The following HS3ST4 variants were observed in gnomAD, a reference collection of about 807,000 sequenced individuals.
HS3ST4 encodes the protein heparan sulfate-glucosamine 3-sulfotransferase 4, also known as heparan sulfate glucosamine 3-O-sulfotransferase 4.
Under a neutral mutation model 29.2 loss-of-function variants are expected in HS3ST4, and 17 were observed. That is an observed-to-expected ratio of 0.58 (90% CI 0.40 to 0.87). The LOEUF is 0.87. Among genes scored for constraint, HS3ST4 ranks in the 40% least tolerant of loss-of-function variants. The probability of loss-of-function intolerance (pLI) is 0.00; values close to 1 mark genes in which losing one functional copy is unlikely to be tolerated. For missense variants in HS3ST4, 627 were observed against 634.5 expected (o/e 0.99, Z 0.13); for synonymous variants, 314 against 285.7 (o/e 1.10, Z -1.00).
chr16:25,859,280 G>A (rs1342782607), intron 1 of HS3ST4, among the ~76,000 whole-genome samples: 1 of 152,146 alleles, frequency 6.6e-6, no homozygotes, highest in East Asian at 1.9e-4. Context: ...GAAATTAAAT[G>A]AGCACACACT....
chr16:26,071,234 A>T (rs1192971680), intron 1 of HS3ST4, among the ~76,000 whole-genome samples: 2 of 152,216 alleles, frequency 1.3e-5, no homozygotes, highest in African/African-American at 4.8e-5. Flanking sequence ...ACCCACTATG[A>T]AAACATCCTT....
chr16:25,927,220 A>G (rs1446171490), intron 1 of HS3ST4, among the ~76,000 whole-genome samples: 2 of 152,254 alleles, frequency 1.3e-5, no homozygotes, highest in Non-Finnish European at 2.9e-5. Flanking sequence ...CTTAGCATTT[A>G]TAAAGCATTT....
rs533357386 is a variant in HS3ST4, at chr16:25,732,891, A to G, written c.734+39740A>G. Among the ~76,000 whole-genome samples the G allele has an allele frequency of 2.0e-5, 3 of 152,290 alleles. No homozygotes were observed. In the South Asian group the frequency reaches 6.2e-4, roughly 32 times the overall value. On this transcript the variant is annotated intron_variant, in intron 1 of 1. Transcript: ENST00000331351. Reference sequence around the variant, plus strand: ...TATTGCTGTGCTGATGAGCAAGATGAAACATATCAGGCTTATAGCCCTGTG... The same window carrying G: ...TATTGCTGTGCTGATGAGCAAGATGGAACATATCAGGCTTATAGCCCTGTG...
intron 1 of HS3ST4, among the ~76,000 whole-genome samples, chr16:26,038,587 A>C (rs760277812): frequency 6.6e-6 from 1 of 151,962 alleles, no homozygotes; most frequent in African/African-American, 2.4e-5. Context: ...GCCTCTGCTC[A>C]TGGGCCCTCT....
intron 1 of HS3ST4, among the ~76,000 whole-genome samples, chr16:25,920,150 C>A (rs1968332204): frequency 6.6e-6 from 1 of 152,148 alleles, no homozygotes; most frequent in African/African-American, 2.4e-5. Context: ...ATTGCTCAAC[C>A]TTAATCTAGG....
intron 1 of HS3ST4, among the ~76,000 whole-genome samples, chr16:25,834,100 G>A (rs1967334175): frequency 1.3e-5 from 2 of 152,174 alleles, no homozygotes. Flanking sequence ...CAGTTCAACT[G>A]CTTTAGGAAG....
intron 1 of HS3ST4, among the ~76,000 whole-genome samples, chr16:25,760,331 C>G (rs1966781690): frequency 6.6e-6 from 1 of 152,080 alleles, no homozygotes; most frequent in South Asian, 2.1e-4. Context: ...AGTGTCCTCA[C>G]CTGGTCATCC....
chr16:25,738,196 G>T (rs949751879), intron 1 of HS3ST4, among the ~76,000 whole-genome samples: 4 of 152,052 alleles, frequency 2.6e-5, no homozygotes, highest in Non-Finnish European at 5.9e-5. Context: ...GACCTACCAC[G>T]CCCAGCCGAT....
chr16:26,088,317 A>G lies in HS3ST4; in HGVS notation c.735-47295A>G, dbSNP rs8062214. 5.3e-3 allele frequency among the ~76,000 whole-genome samples: 813 copies of G among 152,206 alleles called. 7 individuals carry two copies. Among genetic ancestry groups the G allele is most frequent in the African/African-American group, 0.019 (783 of 41,522 alleles). On this transcript the variant is annotated intron_variant, in intron 1 of 1. Coordinates refer to ENST00000331351, the MANE Select transcript of HS3ST4 (RefSeq NM_006040.3). ...ATTGTGGTGATAGTTTTATGTGATG[A>G]TGTTTTGTTGGTTGTTGCTGTTGAT...
chr16:25,933,800 G>C (rs1206850043), intron 1 of HS3ST4, among the ~76,000 whole-genome samples: 36 of 152,222 alleles, frequency 2.4e-4, no homozygotes, highest in Admixed American at 2.4e-3. Context: ...GAGAGAAGGA[G>C]GAGGTGTTGG....
In HS3ST4 at chr16:25,873,371, C is replaced by T. The variant is rs1348920869; in HGVS notation, c.734+180220C>T. ...CTATCCATCCATCCACCTAGCAAGCCATCCAGTCATCCATCCATCCATCCA... is the reference window on the plus strand; with the variant it reads ...CTATCCATCCATCCACCTAGCAAGCTATCCAGTCATCCATCCATCCATCCA... On this transcript the variant is annotated intron_variant, in intron 1 of 1. Coordinates refer to ENST00000331351, the MANE Select transcript of HS3ST4 (RefSeq NM_006040.3). Among the ~76,000 whole-genome samples the T allele has an allele frequency of 3.4e-4, 45 of 130,460 alleles. No homozygotes were observed. In the Admixed American group the frequency reaches 3.7e-3, roughly 11 times the overall value. The allele number at this position is 130,460 out of a possible 152,430, so 85.6% of individuals were successfully genotyped here.
At chr16:25,780,237 G>C (rs1339991956) in intron 1 of HS3ST4, among the ~76,000 whole-genome samples, 1 of 152,088 alleles carries the variant, frequency 6.6e-6, no homozygotes, top group African/African-American at 2.4e-5. Context: ...TTTTAGGTCA[G>C]GCCAAGCCCC....
At chr16:25,791,853 T>G (rs2141620119) in intron 1 of HS3ST4, among the ~76,000 whole-genome samples, 1 of 152,164 alleles carries the variant, frequency 6.6e-6, no homozygotes. Flanking sequence ...TTTAATGTTC[T>G]TATTTCATTT....
At chr16:25,902,792 CA>C (rs372161667) in intron 1 of HS3ST4, among the ~76,000 whole-genome samples, 2 of 151,236 alleles carry the variant, frequency 1.3e-5, no homozygotes, top group Admixed American at 6.6e-5. Context: ...AAAAACAGAA[CA>C]AAAAAAACAA....
At chr16:25,817,354 T>A (rs897949717) in intron 1 of HS3ST4, among the ~76,000 whole-genome samples, 1 of 152,178 alleles carries the variant, frequency 6.6e-6, no homozygotes, top group Non-Finnish European at 1.5e-5. Context: ...GCGAATTTCT[T>A]AGGAAAAGGG....
intron 1 of HS3ST4, among the ~76,000 whole-genome samples, chr16:26,083,922 T>A (rs1898754305): frequency 6.6e-6 from 1 of 152,138 alleles, no homozygotes; most frequent in Non-Finnish European, 1.5e-5. Flanking sequence ...CCTTGTGGGA[T>A]CCAGGGGGAA....
intron 1 of HS3ST4, among the ~76,000 whole-genome samples, chr16:26,128,925 G>T (rs1312689688): frequency 2.0e-5 from 3 of 152,102 alleles, no homozygotes; most frequent in Non-Finnish European, 2.9e-5. Flanking sequence ...TCATCAGCAG[G>T]GCTCAGAAAA....
At chr16:26,028,877 C>T (rs1246011746) in intron 1 of HS3ST4, 1 of 152,182 alleles carries the variant, frequency 6.6e-6, no homozygotes, top group Non-Finnish European at 1.5e-5. Flanking sequence ...AGGCAGGAGG[C>T]AGAGTGGCAA....
At chr16:25,989,611 C>A (rs978509158) in intron 1 of HS3ST4, among the ~76,000 whole-genome samples, 2 of 152,164 alleles carry the variant, frequency 1.3e-5, no homozygotes, top group African/African-American at 4.8e-5. Flanking sequence ...ACATAAGTTT[C>A]GTATGTTTGC....
Sources: allele counts gnomAD v4.1 joint callset (sites outside exome capture counted in the v4.1 genomes callset), GRCh38; gene constraint gnomAD v4.1.1; transcripts MANE v1.5; gene names NCBI Gene and HGNC (gene_info 2026-07-23, HGNC 2026-07-21).